The following PHOX2B variants were observed in gnomAD, a reference collection of about 807,000 sequenced individuals.
PHOX2B encodes the protein paired mesoderm homeobox protein 2B.
In PHOX2B, 1 loss-of-function variant was observed where a neutral mutation model predicts 15.5. That is an observed-to-expected ratio of 0.06 (90% CI 0.02 to 0.31). The LOEUF is 0.31. PHOX2B is among the 10% of genes least tolerant of loss of function. PHOX2B has a pLI of 1.00. For missense variants in PHOX2B, 314 were observed against 436.4 expected (o/e 0.72, Z 2.50); for synonymous variants, 206 against 190.5 (o/e 1.08, Z -0.67).
In PHOX2B at chr4:41,745,774, T is replaced by TCGC. The variant is rs763380864; in HGVS notation, c.*30_*32dup. 502 of 1,585,020 alleles carry TCGC rather than the reference T, an allele frequency of 3.2e-4. No individual in the cohort carries two copies. The highest frequency in any genetic ancestry group is 4.2e-4 in the African/African-American group (31 of 73,896). On this transcript the variant is annotated 3_prime_UTR_variant, in exon 3 of 3. Coordinates refer to ENST00000226382, the MANE Select transcript of PHOX2B (RefSeq NM_003924.4). This position sits in a 1 kb window ranked among gnomAD's most constrained non-coding sequence, Gnocchi z 4.0. ...CGCCCGGGCCCTGGCTCGCCCGCTG[T>TCGC]CGCCGCCGCCGCCGCCGCCGCAGGA...
Position 41,745,532 on chromosome 4 carries a change from C to A in PHOX2B, c.*275G>T, listed in dbSNP as rs1733854840. 1 of 412,286 alleles carries A rather than the reference C, an allele frequency of 2.4e-6. No homozygotes were observed. Among genetic ancestry groups the A allele is most frequent in the Admixed American group, 4.5e-5 (1 of 22,210 alleles). The allele number at this position is 412,286 out of a possible 1,614,324, so 25.5% of individuals were successfully genotyped here. A position where few individuals can be genotyped will look rare whatever the true frequency, so the allele number is the denominator to read the frequency against. On this transcript the variant is annotated 3_prime_UTR_variant, in exon 3 of 3. Coordinates refer to ENST00000226382, the MANE Select transcript of PHOX2B (RefSeq NM_003924.4). This position sits in a 1 kb window ranked among gnomAD's most constrained non-coding sequence, Gnocchi z 4.0. The stretch of plus-strand genomic sequence containing the variant: ...CTGCTCACAACCCCCGATCAGCAGG[C>A]GGAGCCCTGGCCCCGCTGCGAGGCC...
chr4:41,744,833 G>A lies in PHOX2B; in HGVS notation c.*974C>T, dbSNP rs1317763474. 8.6e-6 allele frequency: 2 copies of A among 233,616 alleles called. No individual in the cohort carries two copies. The highest frequency in any genetic ancestry group is 1.7e-5 in the Non-Finnish European group (2 of 118,080). The allele number at this position is 233,616 out of a possible 1,614,324, so 14.5% of individuals were successfully genotyped here. A position where few individuals can be genotyped will look rare whatever the true frequency, so the allele number is the denominator to read the frequency against. ...AGAAGAAAATGCCGACGGGGTAGGCGGGAGCGAGGGGGAAAAAAAGAGTTG... is the reference window on the plus strand; with the variant it reads ...AGAAGAAAATGCCGACGGGGTAGGCAGGAGCGAGGGGGAAAAAAAGAGTTG... On this transcript the variant is annotated 3_prime_UTR_variant, in exon 3 of 3. Coordinates refer to ENST00000226382, the MANE Select transcript of PHOX2B (RefSeq NM_003924.4).
chr4:41,748,628 G>T lies in PHOX2B; in HGVS notation c.-18C>A. 2 of 1,611,216 alleles carry T rather than the reference G, an allele frequency of 1.2e-6. No homozygotes were observed. The highest frequency in any genetic ancestry group is 1.7e-6 in the Non-Finnish European group (2 of 1,177,622). On this transcript the variant is annotated 5_prime_UTR_variant, in exon 1 of 3. Coordinates refer to ENST00000226382, the MANE Select transcript of PHOX2B (RefSeq NM_003924.4). ...TTATACATTGAAAAGGTTCTGGATG[G>T]CTCAGCCAAGTGGAAAAATGAAATA...
At chr4:41,747,285 C>A in intron 2 of PHOX2B, 64 bp downstream of exon 2, 2 of 1,368,250 alleles carry the variant, frequency 1.5e-6, no homozygotes, top group Non-Finnish European at 2.1e-6. Context: ...TCACCAGCCG[C>A]CCCTCACCCC....
In PHOX2B at chr4:41,748,344, C is replaced by G. The variant is rs773969259; in HGVS notation, c.241+26G>C. On this transcript the variant is annotated intron_variant, in intron 1 of 2. Transcript: ENST00000226382. ...TATACGGGCGGAAAGGCGGCTTCCT[C>G]CGCTGAGAAAGCTGAAGGTCCTTAC... 11 of 1,613,424 alleles carry G rather than the reference C, an allele frequency of 6.8e-6. No homozygotes were observed. The East Asian group carries it at 8.9e-5, about 13-fold the overall frequency.
chr4:41,748,150 G>T, intron 1 of PHOX2B: 1 of 595,784 alleles, frequency 1.7e-6, no homozygotes, highest in Non-Finnish European at 3.0e-6. Flanking sequence ...GGCAGCTTAA[G>T]ATAATTTTGT....
rs1733830435 is a variant in PHOX2B, at chr4:41,744,806, G to A, written c.*1001C>T. ...CCAAAAAGTTCAGTAAAAGCTGGTG[G>A]AAGAAGAAAATGCCGACGGGGTAGG... On this transcript the variant is annotated 3_prime_UTR_variant, in exon 3 of 3. Transcript: ENST00000226382. 1.3e-5 allele frequency: 3 copies of A among 233,608 alleles called. No homozygotes were observed. The highest frequency in any genetic ancestry group is 2.5e-5 in the Non-Finnish European group (3 of 118,068). 14.5% of individuals were successfully genotyped at this position (233,608 alleles called of 1,614,324 possible). A position where few individuals can be genotyped will look rare whatever the true frequency, so the allele number is the denominator to read the frequency against.
chr4:41,746,770 A>G (rs1733913916), intron 2 of PHOX2B, among the ~76,000 whole-genome samples: 1 of 152,172 alleles, frequency 6.6e-6, no homozygotes, highest in Non-Finnish European at 1.5e-5. Flanking sequence ...AGCCTGGAAG[A>G]GCGTGCGATG....
chr4:41,747,627 C>CA (rs758418012), intron 1 of PHOX2B, 91 bp from the exon 2 acceptor site: 1 of 1,056,382 alleles, frequency 9.5e-7, no homozygotes, highest in East Asian at 2.4e-5. Context: ...AAGGTCAGGT[C>CA]ATACGGCAGC....
At chr4:41,746,394 TA>T in intron 2 of PHOX2B, 72 bp from the exon 3 acceptor site, 5 of 1,416,028 alleles carry the variant, frequency 3.5e-6, no homozygotes, top group Non-Finnish European at 3.9e-6. Flanking sequence ...AAGCACCGGT[TA>T]GGGTGGCCCA....
Position 41,748,635 on chromosome 4 carries a change from C to G in PHOX2B, c.-25G>C, listed in dbSNP as rs761275637. 4.3e-6 allele frequency: 7 copies of G among 1,609,864 alleles called. No individual in the cohort carries two copies. The highest frequency in any genetic ancestry group is 2.2e-5 in the South Asian group (2 of 90,768). ...TTGAAAAGGTTCTGGATGGCTCAGC[C>G]AAGTGGAAAAATGAAATAAAAGATG... On this transcript the variant is annotated 5_prime_UTR_variant, in exon 1 of 3. Transcript: ENST00000226382.
chr4:41,745,195 T>C lies in PHOX2B; in HGVS notation c.*612A>G. ...TGTTAGGAGGGAGCGGATTTAGGGG[T>C]TCACAAGATCGAGCCTTCAGCTCCA... On this transcript the variant is annotated 3_prime_UTR_variant, in exon 3 of 3. Coordinates refer to ENST00000226382, the MANE Select transcript of PHOX2B (RefSeq NM_003924.4). This position sits in a 1 kb window ranked among gnomAD's most constrained non-coding sequence, Gnocchi z 4.0. 1 of 233,200 alleles carries C rather than the reference T, an allele frequency of 4.3e-6. No individual in the cohort carries two copies. The highest frequency in any genetic ancestry group is 6.0e-5 in the East Asian group (1 of 16,560). 14.4% of individuals were successfully genotyped at this position (233,200 alleles called of 1,614,324 possible). A position where few individuals can be genotyped will look rare whatever the true frequency, so the allele number is the denominator to read the frequency against.
Position 41,744,256 on chromosome 4 carries a change from C to T in PHOX2B, c.*1551G>A. 1 of 220,438 alleles carries T rather than the reference C, an allele frequency of 4.5e-6. No individual in the cohort carries two copies. The highest frequency in any genetic ancestry group is 9.1e-6 in the Non-Finnish European group (1 of 110,056). 13.7% of individuals were successfully genotyped at this position (220,438 alleles called of 1,614,324 possible). A position where few individuals can be genotyped will look rare whatever the true frequency, so the allele number is the denominator to read the frequency against. On this transcript the variant is annotated 3_prime_UTR_variant, in exon 3 of 3. Transcript: ENST00000226382. ...GACAATTATGTTCACAAACATAGTC[C>T]AACAGGAAAAAAAAAGAAATCAGAC... is the stretch of plus-strand genomic sequence containing the variant.
Position 41,745,970 on chromosome 4 carries a change from C to T in PHOX2B, c.782G>A (p.Gly261Glu), listed in dbSNP as rs1733874037. The change falls in exon 3 of 3, where the codon GGA (glycine) becomes GAA (glutamate). Residue 261 changes from glycine (G) to glutamate (E), a missense_variant. By Grantham distance (98) the Gly-to-Glu change is moderately conservative (BLOSUM62 -2). Coordinates refer to ENST00000226382, the MANE Select transcript of PHOX2B (RefSeq NM_003924.4). The surrounding 1 kb of genome is among the most constrained non-coding windows in gnomAD (Gnocchi z 4.0). ...AAAAAAAAAA[G>E]GLAAAGGPGQ... ...AGGGCCCCCAGCCGCAGCCAGGCCT[C>T]CAGCTGCCGCCGCTGCCGCTGCCGC... 3 of 1,330,752 alleles carry T rather than the reference C, an allele frequency of 2.3e-6. No homozygotes were observed. Among genetic ancestry groups the T allele is most frequent in the East Asian group, 2.9e-5 (1 of 34,498 alleles). The allele number at this position is 1,330,752 out of a possible 1,614,324, so 82.4% of individuals were successfully genotyped here.
chr4:41,745,993 CGCCGCCGCCGCTGCCGCG>C lies in PHOX2B; in HGVS notation c.741_758del (p.Ala255_Ala260del), dbSNP rs771383153. 5.6e-4 allele frequency: 682 copies of C among 1,208,746 alleles called. 15 individuals carry two copies. Among genetic ancestry groups the C allele is most frequent in the Admixed American group, 2.7e-3 (59 of 21,916 alleles). The allele number at this position is 1,208,746 out of a possible 1,614,324, so 74.9% of individuals were successfully genotyped here. A position where few individuals can be genotyped will look rare whatever the true frequency, so the allele number is the denominator to read the frequency against. Reference sequence around the variant, plus strand: ...CTCCAGCTGCCGCCGCTGCCGCTGCCGCCGCCGCCGCTGCCGCGGCCGCCGCCGCTGCTGCTGCGCCGC... The same window carrying C: ...CTCCAGCTGCCGCCGCTGCCGCTGCCGCCGCCGCCGCTGCTGCTGCGCCGC... On this transcript the variant is annotated inframe_deletion, in exon 3 of 3. Transcript: ENST00000226382. The surrounding 1 kb of genome is among the most constrained non-coding windows in gnomAD (Gnocchi z 4.0).
Position 41,744,775 on chromosome 4 carries a change from G to C in PHOX2B, c.*1032C>G. The C allele has an allele frequency of 4.3e-6, 1 of 233,620 alleles. No individual in the cohort carries two copies. Among genetic ancestry groups the C allele is most frequent in the Non-Finnish European group, 8.5e-6 (1 of 118,048 alleles). The allele number at this position is 233,620 out of a possible 1,614,324, so 14.5% of individuals were successfully genotyped here. ...GGACTGCAATTGACCCCAATCCAAA[G>C]CAGTGCCAAAAAGTTCAGTAAAAGC... On this transcript the variant is annotated 3_prime_UTR_variant, in exon 3 of 3. Transcript: ENST00000226382.
At chr4:41,747,781 A>G (rs1444611296) in intron 1 of PHOX2B, 2 of 680,510 alleles carry the variant, frequency 2.9e-6, no homozygotes, top group African/African-American at 1.8e-5. Flanking sequence ...GGATTGAAAC[A>G]GCGCGATGTG....
In PHOX2B at chr4:41,746,122, C is replaced by T; in HGVS notation, c.630G>A (p.Ala210=). Residue 210 remains alanine (A), a synonymous_variant, in exon 3 of 3, where the codon GCG becomes GCA. Coordinates refer to ENST00000226382, the MANE Select transcript of PHOX2B (RefSeq NM_003924.4). The stretch of plus-strand genomic sequence containing the variant: ...TGGGCCCGCCGCCGCCGCCTCCATT[C>T]GCCCCGCAGCTGGGGGTGGGGTTGG... The part of the protein sequence containing the change: ...PNPNPTPSCG[A]NGGGGGGPSP... 1.3e-6 allele frequency: 2 copies of T among 1,594,056 alleles called. No individual in the cohort carries two copies. Among genetic ancestry groups the T allele is most frequent in the South Asian group, 1.1e-5 (1 of 89,322 alleles).
In PHOX2B at chr4:41,746,039, T is replaced by C. The variant is rs1733883244; in HGVS notation, c.713A>G (p.Lys238Arg). ...CGCCGCCGCTGCTGCTGCGCCGCCC[T>C]TGCCGGGTTCGCCTCCCGGGCCCCC... ...GPGGPGGEPG[K>R]GGAAAAAAAA... The change falls in exon 3 of 3, where the codon AAG becomes AGG. Residue 238 changes from lysine (K) to arginine (R), a missense_variant. Around this residue, in one of 7 missense-constraint regions of PHOX2B, gnomAD observed 157 missense variants for 169.0 expected, o/e 0.93. Transcript: ENST00000226382. The C allele has an allele frequency of 2.4e-6, 3 of 1,268,398 alleles. No homozygotes were observed. Among genetic ancestry groups the C allele is most frequent in the Non-Finnish European group, 3.0e-6 (3 of 1,012,124 alleles). 78.6% of individuals were successfully genotyped at this position (1,268,398 alleles called of 1,614,324 possible).
Sources: gnomAD v4.1 joint callset for allele counts (sites outside exome capture counted in the v4.1 genomes callset) on GRCh38, gnomAD v4.1.1 for gene constraint, gnomAD v4.1.1 regional missense constraint, Gnocchi (gnomAD v3.1) non-coding constraint, MANE v1.5 for transcripts, NCBI Gene and HGNC (gene_info 2026-07-23, HGNC 2026-07-21) for gene names.